The following CDH13 variants were observed in gnomAD, a reference collection of about 807,000 sequenced individuals.
CDH13 encodes the protein cadherin 13, also known as cadherin-13.
Under a neutral mutation model 63.8 loss-of-function variants are expected in CDH13, and 24 were observed. The ratio of observed to expected loss-of-function variants is 0.38; its 90% CI spans 0.27 to 0.53. The LOEUF is 0.53. Among genes scored for constraint, CDH13 ranks in the 20% least tolerant of loss-of-function variants. The probability of loss-of-function intolerance (pLI) is 0.85; values close to 1 mark genes in which losing one functional copy is unlikely to be tolerated. For missense variants in CDH13, 1,049 were observed against 903.1 expected (o/e 1.16, Z -2.07); for synonymous variants, 503 against 355.3 (o/e 1.42, Z -4.67).
At chr16:83,571,627 G>A (rs190594257) in intron 7 of CDH13, among the ~76,000 whole-genome samples, 2 of 151,990 alleles carry the variant, frequency 1.3e-5, no homozygotes, top group South Asian at 2.1e-4. Flanking sequence ...TTAATGTAAC[G>A]CTGGCATGTG....
intron 7 of CDH13, among the ~76,000 whole-genome samples, chr16:83,512,023 T>A (rs970333074): frequency 2.6e-5 from 4 of 152,026 alleles, no homozygotes; most frequent in Non-Finnish European, 4.4e-5. Context: ...CTAGCTTTTT[T>A]AAAAAATAAA....
rs77311245 is a variant in CDH13, at chr16:83,251,533, T to C, written c.636+34036T>C. 4.6e-5 allele frequency among the ~76,000 whole-genome samples: 7 copies of C among 152,312 alleles called. No individual in the cohort carries two copies. In the East Asian group the frequency reaches 1.4e-3, roughly 29 times the overall value. On this transcript the variant is annotated intron_variant, in intron 5 of 13. Transcript: ENST00000567109. ...CTCAGCCCTATGGGACACATGTCTG[T>C]TCTGTCCTCATTCTGATGGGTCCAA...
At chr16:82,919,334 A>G (rs987419129) in intron 2 of CDH13, among the ~76,000 whole-genome samples, 1 of 152,006 alleles carries the variant, frequency 6.6e-6, no homozygotes, top group Non-Finnish European at 1.5e-5. Flanking sequence ...TCCAATAGTT[A>G]TTTTTTTCTG....
chr16:83,109,940 G>C (rs114561349), intron 3 of CDH13, among the ~76,000 whole-genome samples: 2 of 152,250 alleles, frequency 1.3e-5, no homozygotes, highest in Non-Finnish European at 2.9e-5. Flanking sequence ...TGCTAGATTC[G>C]TGAAATATTT....
chr16:83,508,074 AGG>A (rs2074449614), intron 7 of CDH13, among the ~76,000 whole-genome samples: 1 of 62,318 alleles, frequency 1.6e-5, no homozygotes. Flanking sequence ...GAAGGAAGGA[AGG>A]AAGGAAGGAA....
intron 6 of CDH13, among the ~76,000 whole-genome samples, chr16:83,418,144 G>A (rs774262121): frequency 2.0e-5 from 3 of 152,106 alleles, no homozygotes; most frequent in Non-Finnish European, 4.4e-5. Flanking sequence ...TAGCTACATG[G>A]CTGTCAGCAA....
intron 10 of CDH13, among the ~76,000 whole-genome samples, chr16:83,707,727 T>C (rs1418685529): frequency 4.0e-5 from 6 of 150,428 alleles, no homozygotes; most frequent in African/African-American, 1.5e-4. Context: ...TAAAAAGTCA[T>C]TGAGTGAACA....
chr16:83,290,973 C>G (rs1057186963), intron 5 of CDH13, among the ~76,000 whole-genome samples: 7 of 152,154 alleles, frequency 4.6e-5, no homozygotes, highest in African/African-American at 1.7e-4. Context: ...TTCCACTTCG[C>G]CTTTGCTAAT....
Position 83,053,374 on chromosome 16 carries a change from T to C in CDH13, c.366+21156T>C, listed in dbSNP as rs115548251. Among the ~76,000 whole-genome samples, 1,284 of 152,230 alleles carry C rather than the reference T, an allele frequency of 8.4e-3. 14 individuals are homozygous for C. The highest frequency in any genetic ancestry group is 0.029 in the African/African-American group (1,219 of 41,530). ...TTTTGGCTTTCTATATGTCTTCATTTTCAGACAACCTCTCTCCTGGGGTAT... is the reference window on the plus strand; with the variant it reads ...TTTTGGCTTTCTATATGTCTTCATTCTCAGACAACCTCTCTCCTGGGGTAT... On this transcript the variant is annotated intron_variant, in intron 3 of 13. Coordinates refer to ENST00000567109, the MANE Select transcript of CDH13 (RefSeq NM_001257.5).
At chr16:82,839,782 CATT>C (rs1381925159) in intron 1 of CDH13, among the ~76,000 whole-genome samples, 1 of 152,212 alleles carries the variant, frequency 6.6e-6, no homozygotes, top group Non-Finnish European at 1.5e-5. Flanking sequence ...AGGCTCTTCA[CATT>C]ATCATATTTT....
chr16:83,426,637 A>G (rs532462375), intron 6 of CDH13, among the ~76,000 whole-genome samples: 2 of 152,208 alleles, frequency 1.3e-5, no homozygotes, highest in East Asian at 1.9e-4. Context: ...GGAATCCAAC[A>G]TGGACTGCTG....
At chr16:83,472,431 G>C (rs1320268950) in intron 6 of CDH13, among the ~76,000 whole-genome samples, 1 of 152,168 alleles carries the variant, frequency 6.6e-6, no homozygotes, top group Non-Finnish European at 1.5e-5. Flanking sequence ...TATGAGACTG[G>C]GGAGAGCAGG....
Position 82,626,987 on chromosome 16 carries a change from C to G in CDH13, c.-106C>G, listed in dbSNP as rs1410793048. The G allele has an allele frequency of 2.3e-6, 3 of 1,329,756 alleles. No individual in the cohort carries two copies. Among genetic ancestry groups the G allele is most frequent in the Non-Finnish European group, 3.2e-6 (3 of 945,422 alleles). 82.4% of individuals were successfully genotyped at this position (1,329,756 alleles called of 1,614,324 possible). ...CTGATCTATTTGGGAAGTTGGCTGG[C>G]TGGCGAGGCAGAGCCTCTCCTCAAA... On this transcript the variant is annotated 5_prime_UTR_variant, in exon 1 of 14. Coordinates refer to ENST00000567109, the MANE Select transcript of CDH13 (RefSeq NM_001257.5).
intron 5 of CDH13, among the ~76,000 whole-genome samples, chr16:83,339,765 T>C (rs909285558): frequency 2.6e-5 from 4 of 152,050 alleles, no homozygotes; most frequent in African/African-American, 9.7e-5. Context: ...GGCATCTGGA[T>C]CTCCCTCCCA....
At chr16:83,555,031 G>A (rs1460388775) in intron 7 of CDH13, among the ~76,000 whole-genome samples, 1 of 151,996 alleles carries the variant, frequency 6.6e-6, no homozygotes, top group African/African-American at 2.4e-5. Context: ...CAGAGGTGGA[G>A]GGTAGGAGCC....
intron 6 of CDH13, among the ~76,000 whole-genome samples, chr16:83,473,552 C>T (rs953318988): frequency 4.6e-5 from 7 of 152,154 alleles, no homozygotes; most frequent in African/African-American, 1.4e-4. Flanking sequence ...AGTCATCGAT[C>T]ATCTGTCCTG....
At chr16:82,718,815 C>T (rs1453113186) in intron 1 of CDH13, among the ~76,000 whole-genome samples, 1 of 152,194 alleles carries the variant, frequency 6.6e-6, no homozygotes, top group Non-Finnish European at 1.5e-5. Context: ...CAGGTCCCTC[C>T]CAAAACACGT....
intron 3 of CDH13, among the ~76,000 whole-genome samples, chr16:83,056,003 T>C (rs1460573325): frequency 6.6e-6 from 1 of 152,064 alleles, no homozygotes; most frequent in Admixed American, 6.6e-5. Context: ...CCTACAAAAA[T>C]ATAACAAAAG....
At chr16:83,350,588 C>T (rs553355221) in intron 6 of CDH13, among the ~76,000 whole-genome samples, 44 of 152,278 alleles carry the variant, frequency 2.9e-4, no homozygotes, top group Admixed American at 1.6e-3. Flanking sequence ...GCTTAGCAAG[C>T]ATCTACTCTG....
Sources: gnomAD v4.1 joint callset for allele counts (sites outside exome capture counted in the v4.1 genomes callset) on GRCh38, gnomAD v4.1.1 for gene constraint, MANE v1.5 for transcripts, NCBI Gene and HGNC (gene_info 2026-07-23, HGNC 2026-07-21) for gene names.